CCSER1: variants seen among roughly 807,000 people sequenced by gnomAD.
CCSER1 encodes the protein coiled-coil serine rich protein 1.
In CCSER1, 41 loss-of-function variants were observed where a neutral mutation model predicts 82.0. That is an observed-to-expected ratio of 0.50 (90% CI 0.39 to 0.65). CCSER1 has a LOEUF of 0.65. Among genes scored for constraint, CCSER1 ranks in the 30% least tolerant of loss-of-function variants. CCSER1 has a pLI of 0.00. For missense variants in CCSER1, 1,119 were observed against 1,064.2 expected, an observed-to-expected ratio of 1.05 and a Z score of -0.72; for synonymous variants, 414 against 383.9, an observed-to-expected ratio of 1.08 and a Z score of -0.92.
At chr4:90,417,644 G>A (rs1445122273) in intron 4 of CCSER1, among the ~76,000 whole-genome samples, 4 of 152,116 alleles carry the variant, frequency 2.6e-5, no homozygotes, top group Admixed American at 2.6e-4. Context: ...AAATGGGGAA[G>A]TAATGGCCCA....
intron 1 of CCSER1, among the ~76,000 whole-genome samples, chr4:90,178,169 G>C (rs1204182721): frequency 1.3e-5 from 2 of 152,066 alleles, no homozygotes; most frequent in Non-Finnish European, 2.9e-5. Context: ...TTGTTGTAGT[G>C]TGCTCAAGCC....
chr4:90,206,391 C>T (rs1386472531), intron 1 of CCSER1, among the ~76,000 whole-genome samples: 6 of 152,088 alleles, frequency 3.9e-5, no homozygotes, highest in African/African-American at 1.4e-4. Flanking sequence ...GATTCTGGTA[C>T]GTTGTGTCTT....
chr4:90,868,887 T>A (rs1348201096), intron 8 of CCSER1, among the ~76,000 whole-genome samples: 2 of 152,074 alleles, frequency 1.3e-5, no homozygotes, highest in Non-Finnish European at 2.9e-5. Context: ...GTCTTTTGAA[T>A]GAAAGCCATT....
intron 8 of CCSER1, among the ~76,000 whole-genome samples, chr4:90,889,912 G>A (rs1248704556): frequency 6.6e-6 from 1 of 152,092 alleles, no homozygotes; most frequent in African/African-American, 2.4e-5. Flanking sequence ...AAAGTAGATA[G>A]GCTCAAAAAA....
At chr4:90,287,945 A>G (rs1444516114) in intron 1 of CCSER1, among the ~76,000 whole-genome samples, 4 of 151,442 alleles carry the variant, frequency 2.6e-5, no homozygotes, top group African/African-American at 7.3e-5. Flanking sequence ...CTTTAAACAA[A>G]CAAAAACCAA....
intron 3 of CCSER1, among the ~76,000 whole-genome samples, chr4:90,321,738 G>A (rs907164108): frequency 7.9e-5 from 12 of 151,904 alleles, no homozygotes; most frequent in East Asian, 1.9e-4. Flanking sequence ...TTTGCCTGTC[G>A]TTTGGATAAA....
At chr4:91,379,849 T>C (rs1750734647) in intron 10 of CCSER1, among the ~76,000 whole-genome samples, 1 of 152,206 alleles carries the variant, frequency 6.6e-6, no homozygotes, top group Non-Finnish European at 1.5e-5. Flanking sequence ...AGGGTGTCAA[T>C]TTTAGATCTT....
intron 1 of CCSER1, among the ~76,000 whole-genome samples, chr4:90,258,384 C>A (rs185568995): frequency 2.0e-5 from 3 of 151,926 alleles, no homozygotes; most frequent in Non-Finnish European, 2.9e-5. Context: ...TGGTGGTGCA[C>A]GCCTGTAATC....
At chr4:90,704,333 C>T (rs544247076) in intron 6 of CCSER1, among the ~76,000 whole-genome samples, 95 of 152,242 alleles carry the variant, frequency 6.2e-4, no homozygotes, top group African/African-American at 2.0e-3. Context: ...GAGTTTCTGC[C>T]GAGATATCAG....
At chr4:90,620,628 T>G (rs971732493) in intron 5 of CCSER1, among the ~76,000 whole-genome samples, 3 of 152,200 alleles carry the variant, frequency 2.0e-5, no homozygotes, top group Non-Finnish European at 4.4e-5. Context: ...CTTACTGGAA[T>G]ATATCCTTTA....
intron 1 of CCSER1, among the ~76,000 whole-genome samples, chr4:90,250,403 G>C (rs547872418): frequency 6.6e-6 from 1 of 152,020 alleles, no homozygotes; most frequent in Non-Finnish European, 1.5e-5. Flanking sequence ...TTTTTGTGTA[G>C]AGTGCAGGAA....
intron 5 of CCSER1, among the ~76,000 whole-genome samples, chr4:90,586,798 G>A (rs1782069848): frequency 6.6e-6 from 1 of 152,174 alleles, no homozygotes; most frequent in Non-Finnish European, 1.5e-5. Context: ...ATAGAATAAG[G>A]AAGTTTTCCA....
intron 5 of CCSER1, among the ~76,000 whole-genome samples, chr4:90,595,179 T>A (rs1463098884): frequency 6.6e-6 from 1 of 151,974 alleles, no homozygotes; most frequent in East Asian, 1.9e-4. Flanking sequence ...TGTAATGTAG[T>A]CAGAAACGTG....
intron 1 of CCSER1, among the ~76,000 whole-genome samples, chr4:90,251,831 G>A (rs1477820249): frequency 6.6e-6 from 1 of 151,702 alleles, no homozygotes; most frequent in Non-Finnish European, 1.5e-5. Flanking sequence ...TGTGAGGTTT[G>A]TAGTGATCTT....
At chr4:91,276,291 T>C (rs1238980051) in intron 10 of CCSER1, among the ~76,000 whole-genome samples, 1 of 145,776 alleles carries the variant, frequency 6.9e-6, no homozygotes, top group African/African-American at 2.5e-5. Context: ...GGGATGTCTT[T>C]CCTTTTTTTT....
chr4:90,852,668 T>C (rs1259525844), intron 8 of CCSER1, among the ~76,000 whole-genome samples: 1 of 152,210 alleles, frequency 6.6e-6, no homozygotes, highest in East Asian at 1.9e-4. Flanking sequence ...CATTTAATGT[T>C]CCCAGCTCCT....
rs1727471005 is a variant in CCSER1, at chr4:90,276,074, C to G, written c.-41-32170C>G. On this transcript the variant is annotated intron_variant, in intron 1 of 10. Coordinates refer to ENST00000509176, the MANE Select transcript of CCSER1 (RefSeq NM_001145065.2). ...ATATCTTTAATAATTCTGTTGCCTTCTAGCCCACAACCTGACATATCTTGA... is the reference window on the plus strand; with the variant it reads ...ATATCTTTAATAATTCTGTTGCCTTGTAGCCCACAACCTGACATATCTTGA... 1.3e-5 allele frequency among the ~76,000 whole-genome samples: 2 copies of G among 152,080 alleles called. 1 individual carries two copies. The highest frequency in any genetic ancestry group is 1.3e-4 in the Admixed American group (2 of 15,248).
chr4:90,997,012 C>G (rs552849723), intron 9 of CCSER1, among the ~76,000 whole-genome samples: 2 of 152,196 alleles, frequency 1.3e-5, no homozygotes, highest in Non-Finnish European at 2.9e-5. Context: ...GAAGTAAATA[C>G]CCAAGAATAC....
chr4:90,471,774 A>C (rs1764443810), intron 5 of CCSER1, among the ~76,000 whole-genome samples: 1 of 151,920 alleles, frequency 6.6e-6, no homozygotes, highest in African/African-American at 2.4e-5. Context: ...CAGGAGTTTG[A>C]GACCAGCCTG....
Sources: allele counts gnomAD v4.1 joint callset (sites outside exome capture counted in the v4.1 genomes callset), GRCh38; gene constraint gnomAD v4.1.1; transcripts MANE v1.5; gene names NCBI Gene and HGNC (gene_info 2026-07-23, HGNC 2026-07-21).